Variants in RANBP2 observed in about 807,000 individuals in gnomAD.
The protein encoded by RANBP2 is RAN binding protein 2.
RANBP2 carries 57 observed loss-of-function variants against 303.6 expected under a neutral mutation model. The observed-to-expected ratio is 0.19, with a 90% CI of 0.15 to 0.23. The LOEUF (loss-of-function observed/expected upper bound fraction) is 0.23, where lower values mean the gene tolerates loss of function less well. RANBP2 is among the 10% of genes least tolerant of loss of function. The pLI, the probability that RANBP2 is intolerant of heterozygous loss-of-function variation, is 1.00. For missense variants in RANBP2, 3,138 were observed against 3,780.8 expected (o/e 0.83, Z 4.46); for synonymous variants, 1,167 against 1,301.5 (o/e 0.90, Z 2.23).
the RANBP2 span, among the ~76,000 whole-genome samples, chr2:109,363,990 G>A: frequency 1.3e-5 from 2 of 152,072 alleles, no homozygotes; most frequent in Non-Finnish European, 2.9e-5. Flanking sequence ...TGGATCTGTG[G>A]TTTGGTGTCT....
chr2:108,938,459 G>A, the RANBP2 span, among the ~76,000 whole-genome samples: 9 of 152,250 alleles, frequency 5.9e-5, no homozygotes, highest in South Asian at 1.7e-3. Flanking sequence ...TGTGGTGCTC[G>A]GGTGCTCTGC....
the RANBP2 span, chr2:109,665,875 G>C: frequency 6.6e-6 from 1 of 151,928 alleles, no homozygotes; most frequent in Non-Finnish European, 1.5e-5. Flanking sequence ...ACTTTGGAAG[G>C]CCGAGGAAGG....
chr2:109,614,909 C>A, the RANBP2 span: 49 of 1,451,696 alleles, frequency 3.4e-5, no homozygotes, highest in South Asian at 6.7e-4. Context: ...GAGAGCCCCC[C>A]GCCCCCGCGC....
chr2:108,940,707 G>A, the RANBP2 span, among the ~76,000 whole-genome samples: 5 of 152,232 alleles, frequency 3.3e-5, no homozygotes, highest in East Asian at 1.9e-4. Flanking sequence ...CACACCACGC[G>A]ATGACGTGGG....
the RANBP2 span, among the ~76,000 whole-genome samples, chr2:109,524,928 G>A: frequency 2.0e-5 from 3 of 152,018 alleles, no homozygotes; most frequent in African/African-American, 4.8e-5. Flanking sequence ...GTTCCTCCTC[G>A]GCGCAGATCT....
chr2:108,961,656 T>C, the RANBP2 span, among the ~76,000 whole-genome samples: 5 of 152,236 alleles, frequency 3.3e-5, no homozygotes, highest in African/African-American at 7.2e-5. Context: ...TGAAACTCTA[T>C]GGTCAGAACA....
At chr2:108,734,311 T>C (rs1441004787) in intron 4 of RANBP2, among the ~76,000 whole-genome samples, 2 of 151,970 alleles carry the variant, frequency 1.3e-5, no homozygotes, top group African/African-American at 4.8e-5. Flanking sequence ...AAGGAAGGTA[T>C]GGGGAAGTTG....
the RANBP2 span, among the ~76,000 whole-genome samples, chr2:109,573,362 T>C: frequency 6.6e-6 from 1 of 152,200 alleles, no homozygotes; most frequent in East Asian, 1.9e-4. Context: ...AAGACAAAAC[T>C]GCACACTCTT....
the RANBP2 span, among the ~76,000 whole-genome samples, chr2:109,414,079 T>C: frequency 6.6e-6 from 1 of 152,166 alleles, no homozygotes; most frequent in Admixed American, 6.5e-5. Context: ...ATGGGTCTCC[T>C]TCTGTTTATT....
At chr2:109,409,998 A>T in the RANBP2 span, among the ~76,000 whole-genome samples, 1 of 152,000 alleles carries the variant, frequency 6.6e-6, no homozygotes, top group African/African-American at 2.4e-5. Context: ...AAAGAAAGAG[A>T]CTCGGAGCCC....
At chr2:109,008,806 G>A in the RANBP2 span, among the ~76,000 whole-genome samples, 4 of 151,308 alleles carry the variant, frequency 2.6e-5, no homozygotes, top group South Asian at 2.1e-4. Flanking sequence ...AGAGGCTGAC[G>A]CAGAATAGTA....
At chr2:109,225,545 G>A in the RANBP2 span, among the ~76,000 whole-genome samples, 2 of 152,236 alleles carry the variant, frequency 1.3e-5, no homozygotes, top group African/African-American at 4.8e-5. Context: ...TCTCCTGAGA[G>A]TTAGGCCAGG....
chr2:109,049,798 CA>C, the RANBP2 span, among the ~76,000 whole-genome samples: 1 of 152,122 alleles, frequency 6.6e-6, no homozygotes, highest in Non-Finnish European at 1.5e-5. Context: ...CACACTAGTG[CA>C]AAAATGTTGC....
chr2:109,760,800 G>T, the RANBP2 span, among the ~76,000 whole-genome samples: 1 of 140,208 alleles, frequency 7.1e-6, no homozygotes, highest in Admixed American at 7.3e-5. Flanking sequence ...CGCTTCGGGC[G>T]GGCGGGAGCG....
chr2:109,099,634 TA>T, the RANBP2 span, among the ~76,000 whole-genome samples: 1 of 152,158 alleles, frequency 6.6e-6, no homozygotes, highest in South Asian at 2.1e-4. Flanking sequence ...ATTTTATTTT[TA>T]TTTCTCACTG....
At chr2:109,501,454 C>T in the RANBP2 span, 2 of 739,860 alleles carry the variant, frequency 2.7e-6, no homozygotes. Flanking sequence ...CACGACCCAG[C>T]AGATGGAGAT....
chr2:109,266,185 GTGTGTGT>G, the RANBP2 span, among the ~76,000 whole-genome samples: 6 of 151,672 alleles, frequency 4.0e-5, no homozygotes, highest in Admixed American at 1.3e-4. Flanking sequence ...GTGCGTGCAT[GTGTGTGT>G]TGTGTGTTGT....
the RANBP2 span, among the ~76,000 whole-genome samples, chr2:109,231,583 T>G: frequency 6.6e-6 from 1 of 152,250 alleles, no homozygotes; most frequent in Non-Finnish European, 1.5e-5. Context: ...CATGATAAGC[T>G]ACTTCTTTCC....
rs1677009963 is a variant in RANBP2, at chr2:108,764,941, A to G, written c.4402A>G (p.Ile1468Val). Residue 1468 changes from isoleucine to valine, a missense_variant, in exon 20 of 29, where the codon ATT becomes GTT. Physicochemically the swap from Ile to Val is conservative, Grantham distance 29. Transcript: ENST00000283195. ...KFGQGDLPKPINSDFRSVFST... is the reference protein window; with the variant it reads ...KFGQGDLPKPVNSDFRSVFST... Reference sequence around the variant, plus strand: ...TGGCCAGGGAGATCTTCCTAAACCTATTAACAGTGATTTCAGATCTGTTTT... The same window carrying G: ...TGGCCAGGGAGATCTTCCTAAACCTGTTAACAGTGATTTCAGATCTGTTTT... 1.9e-6 allele frequency: 3 copies of G among 1,614,048 alleles called. No individual in the cohort carries two copies. The highest frequency in any genetic ancestry group is 2.2e-5 in the South Asian group (2 of 91,084).
Sources: gnomAD v4.1 joint callset for allele counts (sites outside exome capture counted in the v4.1 genomes callset) on GRCh38, gnomAD v4.1.1 for gene constraint, MANE v1.5 for transcripts, NCBI Gene and HGNC (gene_info 2026-07-23, HGNC 2026-07-21) for gene names.